TRAPPC8: variants seen among roughly 807,000 people sequenced by gnomAD.
TRAPPC8 encodes the protein general sporulation gene 1 homolog.
A neutral mutation model predicts 174.3 loss-of-function variants in TRAPPC8; 54 were observed. The ratio of observed to expected loss-of-function variants is 0.31; its 90% CI spans 0.25 to 0.39. The LOEUF (loss-of-function observed/expected upper bound fraction) is 0.39. TRAPPC8 is among the 10% of genes least tolerant of loss of function. The pLI, the probability that TRAPPC8 is intolerant of heterozygous loss-of-function variation, is 1.00. For synonymous variants in TRAPPC8, 630 were observed against 579.9 expected, an observed-to-expected ratio of 1.09 and a Z score of -1.24; for missense variants, 1,531 against 1,699.1, an observed-to-expected ratio of 0.90 and a Z score of 1.74.
chr18:31,869,432 T>C (rs568496199), intron 16 of TRAPPC8, among the ~76,000 whole-genome samples: 2 of 152,340 alleles, frequency 1.3e-5, no homozygotes, highest in African/African-American at 4.8e-5. Flanking sequence ...ACCCATATGC[T>C]GCTTAGTAAG....
At chr18:31,879,426 A>T (rs1181619977) in intron 12 of TRAPPC8, among the ~76,000 whole-genome samples, 1 of 152,176 alleles carries the variant, frequency 6.6e-6, no homozygotes, top group East Asian at 1.9e-4. Flanking sequence ...ATTTTGAAAC[A>T]AATGAACACA....
chr18:31,901,367 A>G (rs7227330), intron 9 of TRAPPC8, among the ~76,000 whole-genome samples: 3,395 of 152,296 alleles, frequency 0.022, 117 homozygotes, highest in African/African-American at 0.076. Flanking sequence ...TAAGGCCTTT[A>G]AAACATATCC....
At chr18:31,902,325 G>T (rs117552145) in intron 9 of TRAPPC8, among the ~76,000 whole-genome samples, 1 of 152,060 alleles carries the variant, frequency 6.6e-6, no homozygotes, top group Non-Finnish European at 1.5e-5. Flanking sequence ...AGTGAGATTC[G>T]GTCTCAAAAA....
chr18:31,922,715 G>A lies in TRAPPC8; in HGVS notation c.353-5048C>T, dbSNP rs562586280. The stretch of plus-strand genomic sequence containing the variant: ...TCTTTGGAATTGAAATAGCAACCAT[G>A]TTTTCCTACTAAAGTTTTCTGGCCA... On this transcript the variant is annotated intron_variant, in intron 2 of 28. Coordinates refer to ENST00000283351, the MANE Select transcript of TRAPPC8 (RefSeq NM_014939.5). Among the ~76,000 whole-genome samples the A allele has an allele frequency of 3.3e-5, 5 of 151,724 alleles. No homozygotes were observed. The South Asian group carries it at 1.0e-3, about 32-fold the overall frequency.
intron 5 of TRAPPC8, among the ~76,000 whole-genome samples, chr18:31,910,714 C>G (rs939316154): frequency 6.6e-6 from 1 of 152,164 alleles, no homozygotes; most frequent in Admixed American, 6.5e-5. Context: ...AGCATTAGAT[C>G]AAGCATTGGA....
chr18:31,845,695 A>G (rs2033363564), intron 26 of TRAPPC8, among the ~76,000 whole-genome samples: 1 of 152,196 alleles, frequency 6.6e-6, no homozygotes, highest in Non-Finnish European at 1.5e-5. Flanking sequence ...ACTATTCTTG[A>G]AAGTTTTCTG....
chr18:31,899,286 G>A (rs2036308919), intron 10 of TRAPPC8, among the ~76,000 whole-genome samples: 1 of 152,134 alleles, frequency 6.6e-6, no homozygotes, highest in African/African-American at 2.4e-5. Flanking sequence ...TTCCTCATCT[G>A]TAAAATGAGG....
chr18:31,918,510 T>C (rs758571801), intron 2 of TRAPPC8, among the ~76,000 whole-genome samples: 1 of 152,204 alleles, frequency 6.6e-6, no homozygotes, highest in Non-Finnish European at 1.5e-5. Flanking sequence ...AGGTGGCTTA[T>C]GCTACTGGCA....
intron 26 of TRAPPC8, 49 bp from the exon 27 acceptor site, chr18:31,839,506 TAA>T (rs748337704): frequency 3.4e-3 from 3,807 of 1,109,578 alleles, no homozygotes; most frequent in South Asian, 7.2e-3. Context: ...CTACCTTGTT[TAA>T]AAAAAAAAAA....
intron 6 of TRAPPC8, 72 bp from the exon 7 acceptor site, chr18:31,909,082 T>TAA: frequency 7.7e-7 from 1 of 1,293,492 alleles, no homozygotes; most frequent in South Asian, 1.8e-5. Flanking sequence ...ACCATACTGC[T>TAA]AAAGAAAAAA....
chr18:31,867,539 C>T, intron 16 of TRAPPC8, 63 bp from the exon 17 acceptor site: 1 of 1,084,486 alleles, frequency 9.2e-7, no homozygotes, highest in African/African-American at 1.6e-5. Flanking sequence ...ATTAACACTC[C>T]TATATATCAA....
At chr18:31,917,780 A>G (rs2037212643) in intron 2 of TRAPPC8, 113 bp from the exon 3 acceptor site, 3 of 867,878 alleles carry the variant, frequency 3.5e-6, no homozygotes, top group Admixed American at 5.1e-5. Context: ...TTCTAACAGT[A>G]AACAAGCATT....
intron 9 of TRAPPC8, among the ~76,000 whole-genome samples, chr18:31,901,480 T>G (rs1305204897): frequency 2.0e-5 from 3 of 152,218 alleles, no homozygotes; most frequent in African/African-American, 7.2e-5. Context: ...CTTTCCAATT[T>G]CTGAACACCC....
Position 31,900,952 on chromosome 18 carries a change from G to A in TRAPPC8, c.1463C>T (p.Ala488Val), listed in dbSNP as rs2036395212. ...GCAGATATCTCTGTATGTCTGAATT[G>A]CTGTATCCATGTAATGAGCAGGATA... ...RPYPAHYMDT[A>V]IQTYRDICKN... is the part of the protein sequence containing the mutation. Residue 488 changes from alanine (A) to valine (V), a missense_variant, in exon 10 of 29, where the codon GCA becomes GTA. Coordinates refer to ENST00000283351, the MANE Select transcript of TRAPPC8 (RefSeq NM_014939.5). 1 of 1,596,216 alleles carries A rather than the reference G, an allele frequency of 6.3e-7. No homozygotes were observed. The highest frequency in any genetic ancestry group is 8.5e-7 in the Non-Finnish European group (1 of 1,175,172).
At chr18:31,941,847 T>C (rs1254856790) in intron 1 of TRAPPC8, among the ~76,000 whole-genome samples, 2 of 152,116 alleles carry the variant, frequency 1.3e-5, no homozygotes, top group Non-Finnish European at 2.9e-5. Flanking sequence ...CTTTACCACA[T>C]TATTTTCTCC....
At chr18:31,837,796 A>C (rs2032844146) in intron 27 of TRAPPC8, among the ~76,000 whole-genome samples, 1 of 152,172 alleles carries the variant, frequency 6.6e-6, no homozygotes, top group African/African-American at 2.4e-5. Flanking sequence ...ATATCGAAAC[A>C]TACTCACATG....
chr18:31,830,640 T>C lies in TRAPPC8; in HGVS notation c.*115A>G. On this transcript the variant is annotated 3_prime_UTR_variant, in exon 29 of 29. Coordinates refer to ENST00000283351, the MANE Select transcript of TRAPPC8 (RefSeq NM_014939.5). ...AACAAAATGACAAGTCAAAGTATTT[T>C]GCAGGGATCAGATATCAATCAACCT... 6.1e-6 allele frequency: 5 copies of C among 813,318 alleles called. No homozygotes were observed. Among genetic ancestry groups the C allele is most frequent in the Non-Finnish European group, 9.5e-6 (5 of 524,980 alleles). 50.4% of individuals were successfully genotyped at this position (813,318 alleles called of 1,614,324 possible). A position where few individuals can be genotyped will look rare whatever the true frequency, so the allele number is the denominator to read the frequency against.
At chr18:31,865,516 A>T (rs543366226) in intron 18 of TRAPPC8, among the ~76,000 whole-genome samples, 1 of 151,992 alleles carries the variant, frequency 6.6e-6, no homozygotes, top group African/African-American at 2.4e-5. Flanking sequence ...ATTTTACATA[A>T]TAATGAGCTA....
chr18:31,861,777 A>G (rs2034334029), intron 19 of TRAPPC8, among the ~76,000 whole-genome samples: 1 of 151,908 alleles, frequency 6.6e-6, no homozygotes, highest in Admixed American at 6.6e-5. Flanking sequence ...CCCTACAAAA[A>G]AACACAAAAA....
Sources: gnomAD v4.1 joint callset for allele counts (sites outside exome capture counted in the v4.1 genomes callset) on GRCh38, gnomAD v4.1.1 for gene constraint, MANE v1.5 for transcripts, NCBI Gene and HGNC (gene_info 2026-07-23, HGNC 2026-07-21) for gene names.